PRUNE2: variants seen among roughly 807,000 people sequenced by gnomAD.
PRUNE2 encodes the protein prune homolog 2 with BCH domain, also known as protein prune homolog 2.
Under a neutral mutation model 252.0 loss-of-function variants are expected in PRUNE2, and 164 were observed. The observed-to-expected ratio is 0.65, with a 90% CI of 0.57 to 0.74. PRUNE2 has a LOEUF of 0.74. Ranked by LOEUF, PRUNE2 falls within the 30% of genes least tolerant of loss-of-function variation. The pLI, the probability that PRUNE2 is intolerant of heterozygous loss-of-function variation, is 0.00. For missense variants in PRUNE2, 3,495 were observed against 3,711.0 expected (o/e 0.94, Z 1.51); for synonymous variants, 1,292 against 1,350.2 (o/e 0.96, Z 0.94).
chr9:76,902,058 G>A (rs1020977693), intron 1 of PRUNE2, among the ~76,000 whole-genome samples: 6 of 152,186 alleles, frequency 3.9e-5, no homozygotes, highest in Non-Finnish European at 8.8e-5. Flanking sequence ...GGCAGTGAGG[G>A]AGGCTCAGCA....
chr9:76,660,549 C>T (rs1229402842), intron 9 of PRUNE2, among the ~76,000 whole-genome samples: 4 of 151,798 alleles, frequency 2.6e-5, no homozygotes, highest in East Asian at 3.9e-4. Context: ...TTTGGGAGGC[C>T]GAGGCAGGTG....
chr9:76,797,582 CT>C (rs1212779484), intron 6 of PRUNE2, among the ~76,000 whole-genome samples: 2 of 152,140 alleles, frequency 1.3e-5, no homozygotes, highest in Non-Finnish European at 2.9e-5. Flanking sequence ...TTTAATAGTT[CT>C]ACCATACAGT....
chr9:76,642,013 AAAAAG>A (rs1432849025), intron 12 of PRUNE2: 12 of 1,372,856 alleles, frequency 8.7e-6, no homozygotes, highest in East Asian at 2.5e-5. Context: ...AAAAAAAAAA[AAAAAG>A]AAAAGAAAAA....
intron 9 of PRUNE2, among the ~76,000 whole-genome samples, chr9:76,665,884 C>T (rs902331443): frequency 3.9e-5 from 6 of 151,944 alleles, no homozygotes; most frequent in Non-Finnish European, 5.9e-5. Context: ...ACTGAGGGCA[C>T]GAGCTGTTTC....
At chr9:76,842,338 C>G (rs943877362) in intron 4 of PRUNE2, among the ~76,000 whole-genome samples, 4 of 152,158 alleles carry the variant, frequency 2.6e-5, no homozygotes, top group Non-Finnish European at 5.9e-5. Flanking sequence ...AAAATTAACT[C>G]AAGATGGATT....
rs1379635140 is a variant in PRUNE2, at chr9:76,718,254, G to A, written c.757-4533C>T. Among the ~76,000 whole-genome samples, 5 of 152,252 alleles carry A rather than the reference G, an allele frequency of 3.3e-5. No homozygotes were observed. The South Asian group carries it at 6.2e-4, about 19-fold the overall frequency. Reference sequence around the variant, plus strand: ...TGTCTGCTGGTAGCTTCAGTGCATCGTGTGAAACAAAAGTGATGTAAAGAA... The same window carrying A: ...TGTCTGCTGGTAGCTTCAGTGCATCATGTGAAACAAAAGTGATGTAAAGAA... On this transcript the variant is annotated intron_variant, in intron 6 of 18. Coordinates refer to ENST00000376718, the MANE Select transcript of PRUNE2 (RefSeq NM_015225.3).
intron 11 of PRUNE2, among the ~76,000 whole-genome samples, chr9:76,647,558 G>T (rs1476733193): frequency 6.6e-6 from 1 of 152,040 alleles, no homozygotes; most frequent in African/African-American, 2.4e-5. Flanking sequence ...CTATATAAAA[G>T]ACAAAAATCA....
At chr9:76,852,911 G>A (rs1417580184) in intron 2 of PRUNE2, among the ~76,000 whole-genome samples, 3 of 151,974 alleles carry the variant, frequency 2.0e-5, no homozygotes, top group African/African-American at 7.3e-5. Flanking sequence ...AGACATTGTT[G>A]TAGGTGGTAG....
intron 6 of PRUNE2, among the ~76,000 whole-genome samples, chr9:76,800,714 G>A (rs1345980376): frequency 2.6e-5 from 4 of 152,084 alleles, no homozygotes; most frequent in South Asian, 2.1e-4. Context: ...CCTCTACAGC[G>A]AGCCTCACAC....
At chr9:76,826,857 GTCC>G in intron 4 of PRUNE2, 125 bp from the exon 5 acceptor site, 1 of 729,380 alleles carries the variant, frequency 1.4e-6, no homozygotes, top group Non-Finnish European at 2.2e-6. Flanking sequence ...CTGGACCAGA[GTCC>G]TCCACACGTA....
intron 6 of PRUNE2, among the ~76,000 whole-genome samples, chr9:76,761,783 C>G (rs1466636356): frequency 2.6e-5 from 4 of 152,184 alleles, no homozygotes; most frequent in African/African-American, 9.7e-5. Context: ...TATCAAAAGA[C>G]CCATAAACTC....
intron 1 of PRUNE2, among the ~76,000 whole-genome samples, chr9:76,899,101 A>G (rs1329429096): frequency 6.6e-6 from 1 of 152,218 alleles, no homozygotes; most frequent in African/African-American, 2.4e-5. Flanking sequence ...AGCACTGGTC[A>G]AGGGGCAGCA....
At chr9:76,838,201 C>G (rs2059168978) in intron 4 of PRUNE2, among the ~76,000 whole-genome samples, 1 of 150,122 alleles carries the variant, frequency 6.7e-6, no homozygotes, top group Non-Finnish European at 1.5e-5. Context: ...TTTTTGTAAG[C>G]CTCCTCAAAT....
At chr9:76,624,365 A>G (rs1833761224) in intron 17 of PRUNE2, 87 bp downstream of exon 17, 1 of 862,918 alleles carries the variant, frequency 1.2e-6, no homozygotes, top group Non-Finnish European at 1.6e-6. Context: ...AAGCAGGAAT[A>G]AAACACCAGG....
At chr9:76,719,009 T>G (rs1243957519) in intron 6 of PRUNE2, among the ~76,000 whole-genome samples, 1 of 152,202 alleles carries the variant, frequency 6.6e-6, no homozygotes, top group African/African-American at 2.4e-5. Context: ...TTCATCTCCA[T>G]TGCTGTCCTA....
At chr9:76,777,367 C>T (rs1042717762) in intron 6 of PRUNE2, among the ~76,000 whole-genome samples, 2 of 152,120 alleles carry the variant, frequency 1.3e-5, no homozygotes, top group African/African-American at 2.4e-5. Flanking sequence ...GGCAGAAAAT[C>T]GAAGTAAGCA....
At position 76,823,623 on chromosome 9, in the gene PRUNE2, C is replaced by T. The variant is rs1183069421; in HGVS notation, c.756+9G>A. On this transcript the variant is annotated intron_variant, in intron 6 of 18. Transcript: ENST00000376718. ...TCAATCAATGCTAAAAAAGCATTCC[C>T]ACCCTTACCTCAAGGTTCATGCTCA... The T allele has an allele frequency of 6.5e-7, 1 of 1,543,500 alleles. No individual in the cohort carries two copies.
chr9:76,708,808 A>G lies in PRUNE2; in HGVS notation c.3466T>C (p.Tyr1156His). The G allele has an allele frequency of 1.2e-6, 2 of 1,613,848 alleles. No individual in the cohort carries two copies. The highest frequency in any genetic ancestry group is 1.7e-6 in the Non-Finnish European group (2 of 1,179,888). Residue 1156 changes from tyrosine (Y) to histidine (H), a missense_variant, in exon 8 of 19, where the codon TAC becomes CAC. Coordinates refer to ENST00000376718, the MANE Select transcript of PRUNE2 (RefSeq NM_015225.3). ...AIPSDGQTEGYMAEGSEPETR... is the reference protein window; with the variant it reads ...AIPSDGQTEGHMAEGSEPETR... The stretch of plus-strand genomic sequence containing the variant: ...TCCGGCTCGGAACCTTCAGCCATGT[A>G]TCCTTCTGTTTGACCATCACTGGGG...
In PRUNE2 at chr9:76,614,533, G is replaced by A; in HGVS notation, c.*37C>T. Reference sequence around the variant, plus strand: ...GGTAGATATGTTTCAACAGAACCATGAACCAGAAAAGCATCCTCTTCTTCC... The same window carrying A: ...GGTAGATATGTTTCAACAGAACCATAAACCAGAAAAGCATCCTCTTCTTCC... On this transcript the variant is annotated 3_prime_UTR_variant, in exon 19 of 19. Coordinates refer to ENST00000376718, the MANE Select transcript of PRUNE2 (RefSeq NM_015225.3). 1 of 1,580,898 alleles carries A rather than the reference G, an allele frequency of 6.3e-7. No homozygotes were observed.
Sources: allele counts gnomAD v4.1 joint callset (sites outside exome capture counted in the v4.1 genomes callset), GRCh38; gene constraint gnomAD v4.1.1; transcripts MANE v1.5; gene names NCBI Gene and HGNC (gene_info 2026-07-23, HGNC 2026-07-21).